The following STARD13 variants were observed in gnomAD, a reference collection of about 807,000 sequenced individuals.
STARD13 encodes StAR related lipid transfer domain containing 13.
In STARD13, 62 loss-of-function variants were observed where a neutral mutation model predicts 106.4. The ratio of observed to expected loss-of-function variants is 0.58; its 90% CI spans 0.48 to 0.72. STARD13 has a LOEUF of 0.72. STARD13 is among the 30% of genes least tolerant of loss of function. The pLI is 0.00. For missense variants in STARD13, 1,387 were observed against 1,424.0 expected (o/e 0.97, Z 0.42); for synonymous variants, 565 against 553.0 (o/e 1.02, Z -0.31).
chr13:33,568,489 A>T, the STARD13 span, among the ~76,000 whole-genome samples: 1 of 148,146 alleles, frequency 6.8e-6, no homozygotes, highest in East Asian at 2.0e-4. Flanking sequence ...CAGGGATATC[A>T]AATGTTTAGG....
At chr13:33,399,362 G>A in the STARD13 span, among the ~76,000 whole-genome samples, 13 of 152,082 alleles carry the variant, frequency 8.5e-5, no homozygotes, top group Non-Finnish European at 1.3e-4. Context: ...TAGTCAAAGG[G>A]TACAAACTTT....
At chr13:33,308,520 C>CTTTTTTTCT (rs1893003958) in intron 1 of STARD13, among the ~76,000 whole-genome samples, 1 of 88,554 alleles carries the variant, frequency 1.1e-5, no homozygotes, top group Non-Finnish European at 2.1e-5. Flanking sequence ...CTTTTTCTTT[C>CTTTTTTTCT]TTTTTTTTTT....
chr13:33,332,060 A>C (rs1489877096), intron 1 of STARD13, among the ~76,000 whole-genome samples: 1 of 152,084 alleles, frequency 6.6e-6, no homozygotes, highest in South Asian at 2.1e-4. Flanking sequence ...CTCACAGCAA[A>C]TCATACCCCA....
At chr13:33,309,040 C>T (rs1235411968) in intron 1 of STARD13, among the ~76,000 whole-genome samples, 1 of 152,228 alleles carries the variant, frequency 6.6e-6, no homozygotes, top group Non-Finnish European at 1.5e-5. Flanking sequence ...CTGTGATTCT[C>T]TAACAAGCAC....
In STARD13 at chr13:33,128,403, T is replaced by C. The variant is rs139557581; in HGVS notation, c.1748+526A>G. 2.2e-3 allele frequency among the ~76,000 whole-genome samples: 328 copies of C among 152,306 alleles called. 4 individuals are homozygous for C. The highest frequency in any genetic ancestry group is 7.5e-3 in the African/African-American group (313 of 41,556). On this transcript the variant is annotated intron_variant, in intron 5 of 13. Coordinates refer to ENST00000336934, the MANE Select transcript of STARD13 (RefSeq NM_178006.4). Reference sequence around the variant, plus strand: ...CCAGAAACCCAGCAGCACAGGGCCATTTTTCTATGGTGCTTCTGAAACGGT... The same window carrying C: ...CCAGAAACCCAGCAGCACAGGGCCACTTTTCTATGGTGCTTCTGAAACGGT...
intron 8 of STARD13, among the ~76,000 whole-genome samples, chr13:33,117,267 C>T (rs984268812): frequency 3.3e-5 from 5 of 152,160 alleles, no homozygotes; most frequent in Admixed American, 2.0e-4. Flanking sequence ...CGCCACCATG[C>T]CTGGCTAATT....
intron 1 of STARD13, among the ~76,000 whole-genome samples, chr13:33,330,081 C>T (rs2077819847): frequency 6.6e-6 from 1 of 152,196 alleles, no homozygotes; most frequent in Non-Finnish European, 1.5e-5. Context: ...TAAAATGCTG[C>T]AGTGAACATG....
chr13:33,573,273 T>C, the STARD13 span, among the ~76,000 whole-genome samples: 1 of 152,206 alleles, frequency 6.6e-6, no homozygotes, highest in African/African-American at 2.4e-5. Context: ...AAAGTGTTAC[T>C]GTTTGGATTC....
chr13:33,355,960 C>G, the STARD13 span, among the ~76,000 whole-genome samples: 1 of 152,242 alleles, frequency 6.6e-6, no homozygotes, highest in Non-Finnish European at 1.5e-5. Context: ...CTCTGCATTG[C>G]CAATTAATAA....
chr13:33,374,578 T>C, the STARD13 span, among the ~76,000 whole-genome samples: 1 of 152,182 alleles, frequency 6.6e-6, no homozygotes. Flanking sequence ...CACTAGAAAT[T>C]AAATACTATG....
At chr13:33,387,972 C>T in the STARD13 span, among the ~76,000 whole-genome samples, 24 of 152,298 alleles carry the variant, frequency 1.6e-4, no homozygotes, top group Admixed American at 1.0e-3. Context: ...ATGCATCGGC[C>T]ATATGGTGGT....
At chr13:33,523,804 T>A in the STARD13 span, among the ~76,000 whole-genome samples, 1 of 152,082 alleles carries the variant, frequency 6.6e-6, no homozygotes, top group Non-Finnish European at 1.5e-5. Flanking sequence ...TAGCTGATGT[T>A]TTCTAGATGT....
chr13:33,372,656 C>T, the STARD13 span, among the ~76,000 whole-genome samples: 7 of 151,698 alleles, frequency 4.6e-5, no homozygotes, highest in East Asian at 9.7e-4. Context: ...TGGTTATAGC[C>T]ATAGACAACC....
chr13:33,588,401 C>A, the STARD13 span, among the ~76,000 whole-genome samples: 1 of 152,122 alleles, frequency 6.6e-6, no homozygotes, highest in African/African-American at 2.4e-5. Context: ...GATTGCCTGA[C>A]CTGCTGTACT....
chr13:33,211,819 GTGTGTGTA>G (rs1179121815), intron 1 of STARD13, among the ~76,000 whole-genome samples: 8 of 133,330 alleles, frequency 6.0e-5, no homozygotes, highest in African/African-American at 2.4e-4. Flanking sequence ...GTGTGTGTGT[GTGTGTGTA>G]TGTGTGTGTG....
intron 1 of STARD13, among the ~76,000 whole-genome samples, chr13:33,171,034 T>C (rs1213931788): frequency 6.6e-6 from 1 of 152,222 alleles, no homozygotes; most frequent in East Asian, 1.9e-4. Flanking sequence ...AAGGAATCAT[T>C]ATTGCCAGTG....
At chr13:33,612,051 A>G in the STARD13 span, among the ~76,000 whole-genome samples, 1 of 152,248 alleles carries the variant, frequency 6.6e-6, no homozygotes, top group Non-Finnish European at 1.5e-5. Flanking sequence ...TTAAAAACCC[A>G]TAGGCATTGA....
chr13:33,379,333 A>G, the STARD13 span, among the ~76,000 whole-genome samples: 1 of 152,200 alleles, frequency 6.6e-6, no homozygotes, highest in East Asian at 1.9e-4. Context: ...ACATTTGCAG[A>G]ATTTTTCATA....
intron 1 of STARD13, chr13:33,188,390 A>G (rs1885961347): frequency 6.6e-6 from 1 of 152,240 alleles, no homozygotes; most frequent in Non-Finnish European, 1.5e-5. Context: ...TTATGGGAAT[A>G]GTGAACATTG....
Sources: gnomAD v4.1 joint callset for allele counts (sites outside exome capture counted in the v4.1 genomes callset) on GRCh38, gnomAD v4.1.1 for gene constraint, MANE v1.5 for transcripts, NCBI Gene and HGNC (gene_info 2026-07-23, HGNC 2026-07-21) for gene names.